Variants in FBXO41 observed in about 807,000 individuals in gnomAD.
FBXO41 encodes F-box protein 41.
FBXO41 carries 33 observed loss-of-function variants against 81.6 expected under a neutral mutation model. The ratio of observed to expected loss-of-function variants is 0.40; its 90% CI spans 0.31 to 0.54. The LOEUF (loss-of-function observed/expected upper bound fraction) is 0.54. FBXO41 is among the 20% of genes least tolerant of loss of function. The pLI, the probability that FBXO41 is intolerant of heterozygous loss-of-function variation, is 0.39. For synonymous variants in FBXO41, 576 were observed against 552.7 expected, an observed-to-expected ratio of 1.04 and a Z score of -0.59; for missense variants, 1,107 against 1,236.0, an observed-to-expected ratio of 0.90 and a Z score of 1.56.
chr2:73,266,601 A>G lies in FBXO41; in HGVS notation c.987T>C (p.Ile329=). 1 of 1,611,296 alleles carries G rather than the reference A, an allele frequency of 6.2e-7. No individual in the cohort carries two copies. The highest frequency in any genetic ancestry group is 8.5e-7 in the Non-Finnish European group (1 of 1,179,016). The change falls in exon 3 of 13, where the codon ATT becomes ATC. Residue 329 remains isoleucine, a synonymous_variant. Transcript: ENST00000520530. This position sits in a 1 kb window ranked among gnomAD's most constrained non-coding sequence, Gnocchi z 5.3. ...ASAKLRLQQF[I]EELLERADRA... is the part of the protein sequence containing the mutation. ...GGTCAGCCCGCTCAAGGAGCTCCTC[A>G]ATGAACTGCTGCAGCCGCAGCTTGG...
chr2:73,269,191 A>T lies in FBXO41; in HGVS notation c.440T>A (p.Leu147Gln). ...LVPAAAARYA[L>Q]REIEIPLGEL... ...CCCCAGCGGGATCTCGATCTCGCGC[A>T]GCGCATAGCGCGCTGCTGCGGCGGG... Residue 147 changes from leucine (L) to glutamine (Q), a missense_variant, in exon 2 of 13, where the codon CTG becomes CAG. Leu to Gln is a moderately radical substitution (Grantham distance 113). This residue lies in a region of FBXO41 where 771 missense variants were observed against 789.2 expected (regional missense o/e 0.98). Coordinates refer to ENST00000520530, the MANE Select transcript of FBXO41 (RefSeq NM_001371389.2). This position sits in a 1 kb window ranked among gnomAD's most constrained non-coding sequence, Gnocchi z 7.0. 6.6e-7 allele frequency: 1 copy of T among 1,525,118 alleles called. No homozygotes were observed. The highest frequency in any genetic ancestry group is 1.4e-5 in the African/African-American group (1 of 69,816). The allele number at this position is 1,525,118 out of a possible 1,614,324, so 94.5% of individuals were successfully genotyped here. A position where few individuals can be genotyped will look rare whatever the true frequency, so the allele number is the denominator to read the frequency against.
chr2:73,268,638 G>T, intron 2 of FBXO41, 88 bp downstream of exon 2: 2 of 1,303,666 alleles, frequency 1.5e-6, no homozygotes, highest in Non-Finnish European at 2.1e-6. Flanking sequence ...GCCACATACA[G>T]ACACACTCAG....
At position 73,266,214 on chromosome 2, in the gene FBXO41, G is replaced by A. The variant is rs1013474237; in HGVS notation, c.1131+243C>T. 1.3e-5 allele frequency among the ~76,000 whole-genome samples: 2 copies of A among 152,164 alleles called. No individual in the cohort carries two copies. Among genetic ancestry groups the A allele is most frequent in the African/African-American group, 4.8e-5 (2 of 41,426 alleles). On this transcript the variant is annotated intron_variant, in intron 3 of 12. Coordinates refer to ENST00000520530, the MANE Select transcript of FBXO41 (RefSeq NM_001371389.2). This position sits in a 1 kb window ranked among gnomAD's most constrained non-coding sequence, Gnocchi z 5.3. ...TGGCTCCTGGACTCTCATTTGCAGG[G>A]ATGGGCAGAGATAGCCCCCGAGGGC...
rs748830200 is a variant in FBXO41 at position 73,265,402 on chromosome 2, C to A, written c.1444G>T (p.Glu482Ter). The A allele has an allele frequency of 6.2e-7, 1 of 1,610,934 alleles. No homozygotes were observed. The highest frequency in any genetic ancestry group is 1.7e-5 in the Admixed American group (1 of 60,016). The part of the protein sequence containing the change: ...RRPRRHSTEG[E>*]EGDVSDVGSR... ...CCAACGTCGGAGACATCACCCTCTTCCCCCTCAGTGCTGTGTCGGCGGGGT... is the reference window on the plus strand; with the variant it reads ...CCAACGTCGGAGACATCACCCTCTTACCCCTCAGTGCTGTGTCGGCGGGGT... Residue 482 changes from glutamate to a stop codon, truncating the protein, a stop_gained, in exon 5 of 13, where the codon GAA becomes TAA. Coordinates refer to ENST00000520530, the MANE Select transcript of FBXO41 (RefSeq NM_001371389.2). LOFTEE classifies it high-confidence loss of function.
chr2:73,276,099 CTT>C lies in FBXO41; in HGVS notation c.-138-6333_-138-6332del, dbSNP rs958401233. 2.5e-4 allele frequency among the ~76,000 whole-genome samples: 37 copies of C among 145,226 alleles called. 3 individuals carry two copies. The highest frequency in any genetic ancestry group is 7.3e-4 in the African/African-American group (29 of 39,850). ...CCACACCTGGCCAAGATTTAACTTT[CTT>C]TTTTTTTAAAAAAATGATATGTAGT... On this transcript the variant is annotated intron_variant, in intron 1 of 12. Coordinates refer to ENST00000520530, the MANE Select transcript of FBXO41 (RefSeq NM_001371389.2).
chr2:73,258,908 C>T lies in FBXO41; in HGVS notation c.*74G>A. ...TCGGCCTCCAAAGGTCTAGTCCAAA[C>T]CAGGGTCCCTCTGAGGTCCAAAGAG... On this transcript the variant is annotated 3_prime_UTR_variant, in exon 13 of 13. Transcript: ENST00000520530. 1 of 1,464,058 alleles carries T rather than the reference C, an allele frequency of 6.8e-7. No individual in the cohort carries two copies. The highest frequency in any genetic ancestry group is 9.1e-7 in the Non-Finnish European group (1 of 1,095,086). 90.7% of individuals were successfully genotyped at this position (1,464,058 alleles called of 1,614,324 possible). A position where few individuals can be genotyped will look rare whatever the true frequency, so the allele number is the denominator to read the frequency against.
Position 73,269,640 on chromosome 2 carries a change from G to A in FBXO41, c.-10C>T, listed in dbSNP as rs953610074. Reference sequence around the variant, plus strand: ...GGTCCAGCGAGGCCATGGCCCCGCCGCCCCCGCGGCACGCGGGCTCCACCG... The same window carrying A: ...GGTCCAGCGAGGCCATGGCCCCGCCACCCCCGCGGCACGCGGGCTCCACCG... On this transcript the variant is annotated 5_prime_UTR_variant, in exon 2 of 13. Transcript: ENST00000520530. The surrounding 1 kb of genome is among the most constrained non-coding windows in gnomAD (Gnocchi z 7.0). 5.1e-6 allele frequency: 6 copies of A among 1,183,310 alleles called. No homozygotes were observed. The highest frequency in any genetic ancestry group is 4.9e-5 in the African/African-American group (3 of 61,164). The allele number at this position is 1,183,310 out of a possible 1,614,324, so 73.3% of individuals were successfully genotyped here.
chr2:73,275,806 G>A (rs1688665522), intron 1 of FBXO41, among the ~76,000 whole-genome samples: 1 of 145,408 alleles, frequency 6.9e-6, no homozygotes, highest in South Asian at 2.1e-4. Context: ...TTTTTCTTTT[G>A]GACAGAGTTT....
At position 73,269,586 on chromosome 2, in the gene FBXO41, C is replaced by T. The variant is rs1688421135; in HGVS notation, c.45G>A (p.Glu15=). Residue 15 remains glutamate, a synonymous_variant, in exon 2 of 13, where the codon GAG becomes GAA. Transcript: ENST00000520530. This position sits in a 1 kb window ranked among gnomAD's most constrained non-coding sequence, Gnocchi z 7.0. ...ACGACAGGCTCCGGAAGCGCTTGTG[C>T]TCCCCGCAGCGGGGGCAGCGGTACG... is the stretch of plus-strand genomic sequence containing the variant. The part of the protein sequence containing the change: ...DLPYRCPRCG[E]HKRFRSLSSL... The T allele has an allele frequency of 3.0e-6, 4 of 1,325,804 alleles. No individual in the cohort carries two copies. Among genetic ancestry groups the T allele is most frequent in the Non-Finnish European group, 3.9e-6 (4 of 1,027,948 alleles). 82.1% of individuals were successfully genotyped at this position (1,325,804 alleles called of 1,614,324 possible).
chr2:73,272,041 C>T (rs1688520411), intron 1 of FBXO41: 1 of 152,190 alleles, frequency 6.6e-6, no homozygotes, highest in Admixed American at 6.5e-5. Flanking sequence ...AATAGATCCA[C>T]AAAAGAAATT....
In FBXO41 at chr2:73,269,142, C is replaced by T; in HGVS notation, c.489G>A (p.Val163=). 1.3e-6 allele frequency: 2 copies of T among 1,521,996 alleles called. No individual in the cohort carries two copies. The allele number at this position is 1,521,996 out of a possible 1,614,324, so 94.3% of individuals were successfully genotyped here. A position where few individuals can be genotyped will look rare whatever the true frequency, so the allele number is the denominator to read the frequency against. ...GCGGCGTCGAGCACGCCGAGGACGC[C>T]ACGGACTTGCGGGCGAACAGCTCCC... The part of the protein sequence containing the change: ...PLGELFARKS[V]ASSACSTPPP... The change falls in exon 2 of 13, where the codon GTG becomes GTA. Residue 163 remains valine, a synonymous_variant. Transcript: ENST00000520530. This position sits in a 1 kb window ranked among gnomAD's most constrained non-coding sequence, Gnocchi z 7.0.
At chr2:73,273,820 G>A (rs1399992825) in intron 1 of FBXO41, among the ~76,000 whole-genome samples, 1 of 152,248 alleles carries the variant, frequency 6.6e-6, no homozygotes, top group South Asian at 2.1e-4. Context: ...CTAGTAATGA[G>A]ACTCCAGACT....
intron 8 of FBXO41, 150 bp downstream of exon 8, chr2:73,263,528 T>C (rs1372839747): frequency 1.9e-6 from 2 of 1,025,968 alleles, no homozygotes; most frequent in Middle Eastern, 3.2e-4. Context: ...AGTGGTGGCC[T>C]CTGCTCTTGC....
intron 1 of FBXO41, among the ~76,000 whole-genome samples, chr2:73,283,362 C>A (rs1482655184): frequency 6.6e-6 from 1 of 152,216 alleles, no homozygotes; most frequent in Non-Finnish European, 1.5e-5. Flanking sequence ...TGCCTTCTAG[C>A]AGCCCTGGCA....
chr2:73,265,987 AG>A (rs1390786368), intron 3 of FBXO41, 21 bp from the exon 4 acceptor site: 28 of 1,559,054 alleles, frequency 1.8e-5, no homozygotes, highest in African/African-American at 1.6e-4. Context: ...CCAGAGCAGG[AG>A]GTAAAGGAGA....
chr2:73,271,983 C>T (rs1296346617), intron 1 of FBXO41, among the ~76,000 whole-genome samples: 1 of 152,060 alleles, frequency 6.6e-6, no homozygotes, highest in African/African-American at 2.4e-5. Flanking sequence ...TTACTTGCAC[C>T]CAGAAAATAT....
At chr2:73,277,832 T>C (rs1162581638) in intron 1 of FBXO41, among the ~76,000 whole-genome samples, 1 of 152,248 alleles carries the variant, frequency 6.6e-6, no homozygotes, top group Non-Finnish European at 1.5e-5. Flanking sequence ...TGATAGTCCC[T>C]GCAGTGGGCA....
rs1687863594 is a variant in FBXO41 at position 73,257,640 on chromosome 2, G to A, written c.*1342C>T. 1 of 152,282 alleles carries A rather than the reference G, an allele frequency of 6.6e-6. No individual in the cohort carries two copies. Among genetic ancestry groups the A allele is most frequent in the Non-Finnish European group, 1.5e-5 (1 of 68,084 alleles). The allele number at this position is 152,282 out of a possible 1,614,324, so 9.4% of individuals were successfully genotyped here. A position where few individuals can be genotyped will look rare whatever the true frequency, so the allele number is the denominator to read the frequency against. ...CCAAATGAAAGTTGGCAGGACCCCC[G>A]GCCTCTGAGCTACTGTGGGAGTTCT... On this transcript the variant is annotated 3_prime_UTR_variant, in exon 13 of 13. Transcript: ENST00000520530. This position sits in a 1 kb window ranked among gnomAD's most constrained non-coding sequence, Gnocchi z 4.6.
At position 73,266,077 on chromosome 2, in the gene FBXO41, G is replaced by C. The variant is rs933566063; in HGVS notation, c.1132-111C>G. The C allele has an allele frequency of 1.0e-5, 10 of 954,076 alleles. No individual in the cohort carries two copies. Among genetic ancestry groups the C allele is most frequent in the African/African-American group, 9.8e-5 (6 of 61,470 alleles). 59.1% of individuals were successfully genotyped at this position (954,076 alleles called of 1,614,324 possible). ...GATGGAGAGGAGATGGGGGAGAGGAGAGAGAAGGGAAAATAGTTGGGAAAG... is the reference window on the plus strand; with the variant it reads ...GATGGAGAGGAGATGGGGGAGAGGACAGAGAAGGGAAAATAGTTGGGAAAG... On this transcript the variant is annotated intron_variant, in intron 3 of 12. Coordinates refer to ENST00000520530, the MANE Select transcript of FBXO41 (RefSeq NM_001371389.2). This position sits in a 1 kb window ranked among gnomAD's most constrained non-coding sequence, Gnocchi z 5.3.
Sources: allele counts gnomAD v4.1 joint callset (sites outside exome capture counted in the v4.1 genomes callset), GRCh38; gene constraint gnomAD v4.1.1; regional missense constraint gnomAD v4.1.1; non-coding constraint Gnocchi (gnomAD v3.1); transcripts MANE v1.5; gene names NCBI Gene and HGNC (gene_info 2026-07-23, HGNC 2026-07-21).